NFIB: variants seen among roughly 807,000 people sequenced by gnomAD.
The protein encoded by NFIB is nuclear factor I B, also known as nuclear factor 1 B-type.
Under a neutral mutation model 61.5 loss-of-function variants are expected in NFIB, and 11 were observed. The observed-to-expected ratio is 0.18, with a 90% CI of 0.11 to 0.30. NFIB has a LOEUF of 0.30. Ranked by LOEUF, NFIB falls within the 10% of genes least tolerant of loss-of-function variation. The pLI, the probability that NFIB is intolerant of heterozygous loss-of-function variation, is 1.00. For synonymous variants in NFIB, 260 were observed against 216.5 expected, an observed-to-expected ratio of 1.20 and a Z score of -1.76; for missense variants, 471 against 608.9, an observed-to-expected ratio of 0.77 and a Z score of 2.38.
At chr9:14,113,211 CTTT>C in intron 9 of NFIB, 130 bp from the exon 10 acceptor site, 1 of 688,560 alleles carries the variant, frequency 1.5e-6, no homozygotes, top group Non-Finnish European at 2.3e-6. Context: ...TTTCTCTTCT[CTTT>C]TGTCTGAGTG....
At chr9:14,493,039 G>T in the NFIB span, among the ~76,000 whole-genome samples, 2 of 152,292 alleles carry the variant, frequency 1.3e-5, no homozygotes, top group East Asian at 1.9e-4. Flanking sequence ...TGCTCTAAAT[G>T]GTAGCAGTGA....
chr9:14,117,623 C>T (rs563421367), intron 8 of NFIB, among the ~76,000 whole-genome samples: 5 of 152,104 alleles, frequency 3.3e-5, no homozygotes, highest in South Asian at 2.1e-4. Flanking sequence ...ACTAAGTCTT[C>T]GGTTAGGCTC....
At chr9:14,097,851 T>C (rs1316272815) in intron 10 of NFIB, among the ~76,000 whole-genome samples, 2 of 149,296 alleles carry the variant, frequency 1.3e-5, no homozygotes, top group Admixed American at 6.7e-5. Flanking sequence ...CCCCCCACAC[T>C]TTTTTTTTCT....
At position 14,088,150 on chromosome 9, in the gene NFIB, TA is replaced by T; in HGVS notation, c.*158del. On this transcript the variant is annotated 3_prime_UTR_variant, in exon 11 of 11. Coordinates refer to ENST00000380953, the MANE Select transcript of NFIB (RefSeq NM_001190737.2). ...CAGTCTTCCTCTTTTCCTTTTTTTT[TA>T]TTTAAAAAAAAAATTTCTTAAACTA... 7.1e-7 allele frequency: 1 copy of T among 1,409,686 alleles called. No homozygotes were observed. Among genetic ancestry groups the T allele is most frequent in the Non-Finnish European group, 9.4e-7 (1 of 1,068,988 alleles). 87.3% of individuals were successfully genotyped at this position (1,409,686 alleles called of 1,614,324 possible).
chr9:14,464,681 G>A, the NFIB span, among the ~76,000 whole-genome samples: 724 of 152,136 alleles, frequency 4.8e-3, 1 homozygote, highest in Non-Finnish European at 7.0e-3. Context: ...GTGCTTGGCC[G>A]AGACCCCCCA....
the NFIB span, among the ~76,000 whole-genome samples, chr9:14,443,598 A>C: frequency 6.6e-6 from 1 of 152,124 alleles, no homozygotes; most frequent in Admixed American, 6.6e-5. Flanking sequence ...CCCAATTGCA[A>C]TACATCCTCC....
chr9:14,480,187 G>T, the NFIB span, among the ~76,000 whole-genome samples: 3 of 152,072 alleles, frequency 2.0e-5, no homozygotes, highest in Non-Finnish European at 2.9e-5. Context: ...AATTTGAGAT[G>T]TAGAAATTAT....
intron 1 of NFIB, among the ~76,000 whole-genome samples, chr9:14,385,762 G>T (rs1421364796): frequency 6.6e-6 from 1 of 151,354 alleles, no homozygotes; most frequent in Non-Finnish European, 1.5e-5. Flanking sequence ...TTTCTAATAT[G>T]GGATCAGAGA....
At chr9:14,473,417 TAGA>T in the NFIB span, among the ~76,000 whole-genome samples, 45,586 of 151,898 alleles carry the variant, frequency 0.3, 6,900 homozygotes, top group Middle Eastern at 0.4. Flanking sequence ...CCCAGTTCTG[TAGA>T]AAAGTCAATT....
chr9:14,271,732 T>C (rs1285127607), intron 2 of NFIB, among the ~76,000 whole-genome samples: 3 of 152,138 alleles, frequency 2.0e-5, no homozygotes, highest in Non-Finnish European at 1.5e-5. Flanking sequence ...GGGAACCTCA[T>C]GGAAAACACT....
chr9:14,434,705 C>A, the NFIB span, among the ~76,000 whole-genome samples: 1 of 152,144 alleles, frequency 6.6e-6, no homozygotes, highest in Non-Finnish European at 1.5e-5. Context: ...GTGTTCTATG[C>A]TAGATAAGTT....
At position 14,085,460 on chromosome 9, in the gene NFIB, T is replaced by A. The variant is rs778981093; in HGVS notation, c.*2849A>T. 1 of 221,618 alleles carries A rather than the reference T, an allele frequency of 4.5e-6. No homozygotes were observed. Among genetic ancestry groups the A allele is most frequent in the Admixed American group, 5.8e-5 (1 of 17,340 alleles). The allele number at this position is 221,618 out of a possible 1,614,324, so 13.7% of individuals were successfully genotyped here. A position where few individuals can be genotyped will look rare whatever the true frequency, so the allele number is the denominator to read the frequency against. On this transcript the variant is annotated 3_prime_UTR_variant, in exon 11 of 11. Coordinates refer to ENST00000380953, the MANE Select transcript of NFIB (RefSeq NM_001190737.2). ...AGGGGAAACGAAATCAAATATATAG[T>A]TAAGGTACCATTCCTTAAAAAAATC... is the stretch of plus-strand genomic sequence containing the variant.
chr9:14,492,558 C>T, the NFIB span, among the ~76,000 whole-genome samples: 1 of 151,886 alleles, frequency 6.6e-6, no homozygotes, highest in Non-Finnish European at 1.5e-5. Flanking sequence ...CTTCACATGG[C>T]CAGAGCAGGA....
chr9:14,103,887 TA>T (rs2036147418), intron 10 of NFIB, among the ~76,000 whole-genome samples: 1 of 151,994 alleles, frequency 6.6e-6, no homozygotes, highest in Admixed American at 6.6e-5. Flanking sequence ...AAAGAAGTCA[TA>T]AATCAGTAAA....
chr9:14,464,655 G>A, the NFIB span, among the ~76,000 whole-genome samples: 1 of 152,108 alleles, frequency 6.6e-6, no homozygotes, highest in African/African-American at 2.4e-5. Flanking sequence ...AATGATGCCA[G>A]GATGGAGGAG....
At chr9:14,419,490 C>A in the NFIB span, among the ~76,000 whole-genome samples, 2 of 152,092 alleles carry the variant, frequency 1.3e-5, 1 homozygote, top group Non-Finnish European at 2.9e-5. Context: ...AAGCGTCCTG[C>A]GTCTAGTTGA....
chr9:14,469,258 T>C, the NFIB span, among the ~76,000 whole-genome samples: 22 of 152,172 alleles, frequency 1.4e-4, no homozygotes. Flanking sequence ...CAAAAAGATA[T>C]AAGCCTGTTA....
chr9:14,426,347 A>G, the NFIB span, among the ~76,000 whole-genome samples: 1 of 152,098 alleles, frequency 6.6e-6, no homozygotes, highest in African/African-American at 2.4e-5. Flanking sequence ...CTCCTCTGTG[A>G]TCCCATGAGG....
At chr9:14,270,551 G>C (rs6474826) in intron 2 of NFIB, among the ~76,000 whole-genome samples, 110,266 of 135,652 alleles carry the variant, frequency 0.81, 45,342 homozygotes, top group Non-Finnish European at 0.9. Flanking sequence ...AGGGGAGTGA[G>C]AGATGAGTTC....
Sources: gnomAD v4.1 joint callset for allele counts (sites outside exome capture counted in the v4.1 genomes callset) on GRCh38, gnomAD v4.1.1 for gene constraint, MANE v1.5 for transcripts, NCBI Gene and HGNC (gene_info 2026-07-23, HGNC 2026-07-21) for gene names.